Variants in ANO4 observed in about 807,000 individuals in gnomAD.
The protein encoded by ANO4 is anoctamin-4.
In ANO4, 69 loss-of-function variants were observed where a neutral mutation model predicts 141.9. The observed-to-expected ratio is 0.49, with a 90% CI of 0.40 to 0.59. The LOEUF (loss-of-function observed/expected upper bound fraction) is 0.59, where lower values mean the gene tolerates loss of function less well. Among genes scored for constraint, ANO4 ranks in the 20% least tolerant of loss-of-function variants. The pLI is 0.00. For missense variants in ANO4, 894 were observed against 1,162.2 expected (o/e 0.77, Z 3.36); for synonymous variants, 350 against 394.3 (o/e 0.89, Z 1.33).
At chr12:100,918,809 A>C (rs1214093948) in intron 2 of ANO4, among the ~76,000 whole-genome samples, 5 of 151,206 alleles carry the variant, frequency 3.3e-5, no homozygotes, top group Non-Finnish European at 5.9e-5. Context: ...TTACTGATTA[A>C]AAAAAAAAGT....
intron 2 of ANO4, among the ~76,000 whole-genome samples, chr12:100,738,947 ACTTACGT>A (rs2031730730): frequency 6.6e-6 from 1 of 150,698 alleles, no homozygotes; most frequent in Non-Finnish European, 1.5e-5. Flanking sequence ...GTACTTTTTT[ACTTACGT>A]CTTCTGATCC....
chr12:101,079,080 G>A, intron 14 of ANO4, 113 bp from the exon 15 acceptor site: 1 of 883,416 alleles, frequency 1.1e-6, no homozygotes, highest in Non-Finnish European at 1.9e-6. Context: ...ATTCGATGAT[G>A]CTTACACTAA....
intron 1 of ANO4, among the ~76,000 whole-genome samples, chr12:100,827,311 A>G (rs183757713): frequency 1.3e-5 from 2 of 152,152 alleles, no homozygotes; most frequent in East Asian, 3.9e-4. Flanking sequence ...CAGATCTTCC[A>G]TCATTATATG....
chr12:100,776,936 G>T lies in ANO4; in HGVS notation c.358+36831G>T, dbSNP rs952621508. Among the ~76,000 whole-genome samples, 3 of 152,112 alleles carry T rather than the reference G, an allele frequency of 2.0e-5. No homozygotes were observed. In the South Asian group the frequency reaches 6.2e-4, roughly 32 times the overall value. The stretch of plus-strand genomic sequence containing the variant: ...TTTACAGTGACTCTTTAGGGACATT[G>T]CTTACCAAATGTCATTTAGTTGGCA... On this transcript the variant is annotated intron_variant, in intron 3 of 29. Coordinates refer to the ANO4 transcript ENST00000644049.
chr12:100,880,439 C>A (rs2039511123), intron 1 of ANO4, among the ~76,000 whole-genome samples: 1 of 152,182 alleles, frequency 6.6e-6, no homozygotes, highest in African/African-American at 2.4e-5. Flanking sequence ...AGAGGTGCCT[C>A]ATTCAAGGTC....
chr12:100,922,218 T>G lies in ANO4; in HGVS notation c.56-8T>G. On this transcript the variant is annotated splice_polypyrimidine_tract_variant and splice_region_variant and intron_variant, in intron 2 of 27. Coordinates refer to ENST00000392977, the MANE Select transcript of ANO4 (RefSeq NM_001286615.2). ...TGCAAACTCCATGAATATCTTTCAT[T>G]TCTCTAGAAGGAGGTGTGGATTTGC... 1 of 1,523,960 alleles carries G rather than the reference T, an allele frequency of 6.6e-7. No homozygotes were observed. The highest frequency in any genetic ancestry group is 1.2e-5 in the South Asian group (1 of 82,200). 94.4% of individuals were successfully genotyped at this position (1,523,960 alleles called of 1,614,324 possible). A position where few individuals can be genotyped will look rare whatever the true frequency, so the allele number is the denominator to read the frequency against.
chr12:101,094,843 C>A (rs961560405), intron 18 of ANO4, among the ~76,000 whole-genome samples: 1 of 151,996 alleles, frequency 6.6e-6, no homozygotes, highest in Non-Finnish European at 1.5e-5. Context: ...AAAAATTAGC[C>A]AGGCATGGTG....
intron 7 of ANO4, among the ~76,000 whole-genome samples, chr12:100,981,504 AAAGAG>A (rs1199508846): frequency 2.0e-5 from 3 of 152,078 alleles, no homozygotes; most frequent in African/African-American, 7.2e-5. Flanking sequence ...AAAGAAAAGA[AAAGAG>A]AAAAGAAAAG....
intron 1 of ANO4, among the ~76,000 whole-genome samples, chr12:100,824,607 A>G (rs2036229602): frequency 6.6e-6 from 1 of 152,054 alleles, no homozygotes; most frequent in African/African-American, 2.4e-5. Flanking sequence ...GTGACTCTGA[A>G]TAATGCCAGT....
At chr12:100,752,350 T>C (rs1270801440) in intron 3 of ANO4, among the ~76,000 whole-genome samples, 1 of 152,126 alleles carries the variant, frequency 6.6e-6, no homozygotes, top group African/African-American at 2.4e-5. Context: ...TCTCCATCCC[T>C]TCCTTCCTCC....
At chr12:100,994,564 G>A (rs931542600) in intron 8 of ANO4, among the ~76,000 whole-genome samples, 1 of 151,990 alleles carries the variant, frequency 6.6e-6, no homozygotes, top group Non-Finnish European at 1.5e-5. Context: ...GCTAGATATA[G>A]ACAGAAAAAT....
intron 14 of ANO4, among the ~76,000 whole-genome samples, chr12:101,063,677 G>A (rs190179803): frequency 7.4e-6 from 1 of 135,800 alleles, no homozygotes; most frequent in Non-Finnish European, 1.6e-5. Context: ...TGGGCCTGGA[G>A]TTTTCTTTGC....
At chr12:101,097,805 C>CT in intron 20 of ANO4, 43 bp from the exon 21 acceptor site, 1 of 1,606,950 alleles carries the variant, frequency 6.2e-7, no homozygotes. Flanking sequence ...CCCTTTCTTC[C>CT]TCTCCATTGA....
At chr12:100,775,637 TAAATG>T (rs1463835899) in intron 3 of ANO4, among the ~76,000 whole-genome samples, 3 of 152,194 alleles carry the variant, frequency 2.0e-5, no homozygotes, top group Non-Finnish European at 4.4e-5. Flanking sequence ...TTTGAAGTAT[TAAATG>T]AAATAATACC....
In ANO4 at chr12:100,981,013, A is replaced by AC. The variant is rs1297542776; in HGVS notation, c.602+6130dup. On this transcript the variant is annotated intron_variant, in intron 7 of 27. Coordinates refer to ENST00000392977, the MANE Select transcript of ANO4 (RefSeq NM_001286615.2). Reference sequence around the variant, plus strand: ...AGTCTCATTACTACTCCTTCCTTCCACCCCCCATATGCATTCTGCCTGACT... The same window carrying AC: ...AGTCTCATTACTACTCCTTCCTTCCACCCCCCCATATGCATTCTGCCTGACT... 3.3e-5 allele frequency among the ~76,000 whole-genome samples: 5 copies of AC among 151,292 alleles called. No homozygotes were observed. The East Asian group carries it at 7.8e-4, about 24-fold the overall frequency.
At chr12:100,956,431 A>G (rs1359353311) in intron 5 of ANO4, among the ~76,000 whole-genome samples, 1 of 152,230 alleles carries the variant, frequency 6.6e-6, no homozygotes, top group African/African-American at 2.4e-5. Context: ...ACTATACTAC[A>G]CATGATTTTC....
In ANO4 at chr12:100,942,317, A is replaced by G. The variant is rs1369483667; in HGVS notation, c.298-60A>G. On this transcript the variant is annotated intron_variant, in intron 4 of 27. Transcript: ENST00000392977. Reference sequence around the variant, plus strand: ...TTAGTTTTAATTGTTCTTTAACATTACTCACTTGAACCTCAATTTGATGAA... The same window carrying G: ...TTAGTTTTAATTGTTCTTTAACATTGCTCACTTGAACCTCAATTTGATGAA... 4 of 1,551,836 alleles carry G rather than the reference A, an allele frequency of 2.6e-6. No homozygotes were observed. In the East Asian group the frequency reaches 6.8e-5, roughly 26 times the overall value.
intron 19 of ANO4, 122 bp downstream of exon 19, chr12:101,096,769 G>A (rs935491440): frequency 2.8e-6 from 2 of 717,302 alleles, no homozygotes; most frequent in Non-Finnish European, 2.4e-6. Context: ...AAAGGGAAGA[G>A]CATCCTCCTC....
At chr12:100,968,221 G>T (rs2043763780) in intron 5 of ANO4, among the ~76,000 whole-genome samples, 1 of 152,128 alleles carries the variant, frequency 6.6e-6, no homozygotes, top group Non-Finnish European at 1.5e-5. Context: ...AGTTGATTCA[G>T]TATGTGTTCA....
Sources: gnomAD v4.1 joint callset for allele counts (sites outside exome capture counted in the v4.1 genomes callset) on GRCh38, gnomAD v4.1.1 for gene constraint, MANE v1.5 for transcripts, NCBI Gene and HGNC (gene_info 2026-07-23, HGNC 2026-07-21) for gene names.